Variants in GAPVD1 observed in about 807,000 individuals in gnomAD.
GAPVD1 encodes GTPase-activating protein and VPS9 domain-containing protein 1.
In GAPVD1, 35 loss-of-function variants were observed where a neutral mutation model predicts 155.5. That is an observed-to-expected ratio of 0.23 (90% CI 0.17 to 0.30). The LOEUF is 0.30. Among genes scored for constraint, GAPVD1 ranks in the 10% least tolerant of loss-of-function variants. GAPVD1 has a pLI of 1.00. For missense variants in GAPVD1, 1,429 were observed against 1,775.7 expected (o/e 0.80, Z 3.51); for synonymous variants, 636 against 619.7 (o/e 1.03, Z -0.39).
intron 22 of GAPVD1, 129 bp from the exon 23 acceptor site, chr9:125,350,584 G>T: frequency 1.5e-6 from 1 of 683,296 alleles, no homozygotes; most frequent in Non-Finnish European, 2.5e-6. Context: ...TTTTCTAATT[G>T]GGAGTGGCAA....
rs1286516671 is a variant in GAPVD1 at position 125,328,831 on chromosome 9, T to C, written c.2033-1247T>C. On this transcript the variant is annotated intron_variant, in intron 12 of 27. Transcript: ENST00000297933. ...CGAGGCGGCTGGCCGGGCAGGGGGC[T>C]GACCCCCCCCCCACCTCCCTCCCGG... 1.2e-3 allele frequency among the ~76,000 whole-genome samples: 109 copies of C among 90,274 alleles called. 1 individual carries two copies. The highest frequency in any genetic ancestry group is 7.9e-3 in the African/African-American group (84 of 10,568). The allele number at this position is 90,274 out of a possible 152,430, so 59.2% of individuals were successfully genotyped here.
intron 1 of GAPVD1, among the ~76,000 whole-genome samples, chr9:125,266,527 A>C (rs1833999050): frequency 6.6e-6 from 1 of 151,804 alleles, no homozygotes; most frequent in African/African-American, 2.4e-5. Context: ...GTTATCCAGG[A>C]TGGTCTTGAT....
chr9:125,320,358 A>G (rs772629580), intron 9 of GAPVD1, among the ~76,000 whole-genome samples: 11 of 152,178 alleles, frequency 7.2e-5, no homozygotes, highest in South Asian at 4.1e-4. Flanking sequence ...TTTGGAAGTC[A>G]TCTGGCAAAT....
intron 2 of GAPVD1, among the ~76,000 whole-genome samples, chr9:125,293,843 AAAT>A (rs1192434476): frequency 1.3e-5 from 1 of 76,204 alleles, no homozygotes. Flanking sequence ...ATATATATAA[AAAT>A]ATATTTTATA....
At chr9:125,315,973 C>G (rs1414289475) in intron 9 of GAPVD1, among the ~76,000 whole-genome samples, 1 of 152,146 alleles carries the variant, frequency 6.6e-6, no homozygotes, top group Non-Finnish European at 1.5e-5. Context: ...CAGAGCCAAT[C>G]TTCAAAGACT....
intron 5 of GAPVD1, 118 bp downstream of exon 5, chr9:125,302,944 C>A: frequency 8.2e-7 from 1 of 1,220,346 alleles, no homozygotes; most frequent in Non-Finnish European, 1.1e-6. Context: ...AACTTTTTCT[C>A]AACCAGTCCT....
intron 2 of GAPVD1, among the ~76,000 whole-genome samples, chr9:125,286,785 G>A (rs1334201685): frequency 6.6e-6 from 1 of 151,994 alleles, no homozygotes; most frequent in Non-Finnish European, 1.5e-5. Flanking sequence ...GTTTCAAATT[G>A]GTGGTATCAA....
chr9:125,266,448 G>A (rs1472305327), intron 1 of GAPVD1, among the ~76,000 whole-genome samples: 1 of 151,868 alleles, frequency 6.6e-6, no homozygotes, highest in Non-Finnish European at 1.5e-5. Context: ...CAAGTAGCTG[G>A]GACTACAGGC....
In GAPVD1 at chr9:125,277,685, G is replaced by GTT. The variant is rs551496647; in HGVS notation, c.-150+8716_-150+8717dup. On this transcript the variant is annotated intron_variant, in intron 2 of 27. Transcript: ENST00000297933. Reference sequence around the variant, plus strand: ...TAAGTAAAGCATACTATGCTTGTCTGTTTTTTTTTTTTTTTTGAGACAGGG... The same window carrying GTT: ...TAAGTAAAGCATACTATGCTTGTCTGTTTTTTTTTTTTTTTTTTGAGACAGGG... 6.7e-4 allele frequency among the ~76,000 whole-genome samples: 92 copies of GTT among 137,246 alleles called. 1 individual carries two copies. The highest frequency in any genetic ancestry group is 4.9e-3 in the South Asian group (21 of 4,306). The allele number at this position is 137,246 out of a possible 152,430, so 90.0% of individuals were successfully genotyped here.
intron 12 of GAPVD1, among the ~76,000 whole-genome samples, chr9:125,328,000 T>C (rs1845447098): frequency 6.6e-6 from 1 of 152,144 alleles, no homozygotes; most frequent in Admixed American, 6.5e-5. Flanking sequence ...TTTTATGATA[T>C]AGCTTTAAAA....
intron 12 of GAPVD1, 88 bp downstream of exon 12, chr9:125,326,677 C>G: frequency 1.1e-6 from 1 of 886,520 alleles, no homozygotes; most frequent in Non-Finnish European, 1.8e-6. Flanking sequence ...AGTGCCCTGA[C>G]AAACATTGTG....
chr9:125,353,108 A>G (rs1849550001), intron 23 of GAPVD1, among the ~76,000 whole-genome samples: 1 of 151,916 alleles, frequency 6.6e-6, no homozygotes, highest in Admixed American at 6.6e-5. Context: ...ACTCTGTCTC[A>G]AGAAAAAAAA....
intron 27 of GAPVD1, 28 bp from the exon 28 acceptor site, chr9:125,362,574 AATTG>A: frequency 6.4e-7 from 1 of 1,555,548 alleles, no homozygotes; most frequent in South Asian, 1.2e-5. Flanking sequence ...ACATCTGAGT[AATTG>A]ATTCTTTTTT....
intron 2 of GAPVD1, among the ~76,000 whole-genome samples, chr9:125,294,300 C>G (rs1839469544): frequency 6.7e-6 from 1 of 150,346 alleles, no homozygotes; most frequent in Non-Finnish European, 1.5e-5. Context: ...CTCCACCTCC[C>G]AAAGTGCTGG....
rs773296286 is a variant in GAPVD1, at chr9:125,331,921, T to C, written c.2174-5T>C. The C allele has an allele frequency of 6.2e-7, 1 of 1,613,614 alleles. No individual in the cohort carries two copies. Among genetic ancestry groups the C allele is most frequent in the African/African-American group, 1.3e-5 (1 of 74,924 alleles). On this transcript the variant is annotated splice_region_variant and splice_polypyrimidine_tract_variant and intron_variant, in intron 13 of 27. Coordinates refer to ENST00000297933, the MANE Select transcript of GAPVD1 (RefSeq NM_001282680.3). ...AATGTAACATACCTCTTATCTTCTA[T>C]TTAGAGGCCCCAGACCTAAAGCAGG... is the stretch of plus-strand genomic sequence containing the variant.
At chr9:125,353,748 G>A (rs1158677607) in intron 23 of GAPVD1, among the ~76,000 whole-genome samples, 1 of 152,132 alleles carries the variant, frequency 6.6e-6, no homozygotes, top group African/African-American at 2.4e-5. Context: ...CAGATCTCTT[G>A]AGACTTAGTA....
intron 14 of GAPVD1, 119 bp from the exon 15 acceptor site, chr9:125,332,391 A>G (rs538038082): frequency 2.7e-6 from 2 of 751,250 alleles, no homozygotes; most frequent in Middle Eastern, 3.8e-4. Flanking sequence ...TACTAAACTC[A>G]CATGTATAGA....
At chr9:125,338,961 A>G (rs4838258) in intron 17 of GAPVD1, among the ~76,000 whole-genome samples, 64,067 of 138,852 alleles carry the variant, frequency 0.46, 13,802 homozygotes, top group Middle Eastern at 0.57. Flanking sequence ...GTGTGTGTAT[A>G]TATATTTTTT....
At chr9:125,320,951 T>G (rs1221362120) in intron 9 of GAPVD1, among the ~76,000 whole-genome samples, 2 of 152,210 alleles carry the variant, frequency 1.3e-5, no homozygotes, top group Non-Finnish European at 2.9e-5. Flanking sequence ...CTTTAAATTT[T>G]GCAAATTTAA....
Sources: allele counts gnomAD v4.1 joint callset (sites outside exome capture counted in the v4.1 genomes callset), GRCh38; gene constraint gnomAD v4.1.1; transcripts MANE v1.5; gene names NCBI Gene and HGNC (gene_info 2026-07-23, HGNC 2026-07-21).